The following AKAP3 variants were observed in gnomAD, a reference collection of about 807,000 sequenced individuals.
AKAP3 encodes A-kinase anchoring protein 3, also known as A-kinase anchor protein 3.
AKAP3 carries 27 observed loss-of-function variants against 57.2 expected under a neutral mutation model. The ratio of observed to expected loss-of-function variants is 0.47; its 90% CI spans 0.35 to 0.65. The LOEUF is 0.65. Ranked by LOEUF, AKAP3 falls within the 30% of genes least tolerant of loss-of-function variation. The pLI, the probability that AKAP3 is intolerant of heterozygous loss-of-function variation, is 0.01. For synonymous variants in AKAP3, 334 were observed against 392.3 expected (o/e 0.85, Z 1.76); for missense variants, 959 against 1,040.0 (o/e 0.92, Z 1.07).
intron 5 of AKAP3, among the ~76,000 whole-genome samples, chr12:4,620,354 G>A (rs1475101850): frequency 6.6e-6 from 1 of 151,322 alleles, no homozygotes; most frequent in Non-Finnish European, 1.5e-5. Context: ...CAGTGCACCT[G>A]TAATCCCAGC....
intron 5 of AKAP3, among the ~76,000 whole-genome samples, chr12:4,626,042 G>A (rs1426025239): frequency 6.6e-6 from 1 of 152,002 alleles, no homozygotes; most frequent in Non-Finnish European, 1.5e-5. Flanking sequence ...AATCCCCAAC[G>A]CCACCTAGAC....
rs540086464 is a variant in AKAP3 at position 4,640,967 on chromosome 12, T to C, written c.-1+932A>G. 3.4e-4 allele frequency among the ~76,000 whole-genome samples: 51 copies of C among 152,028 alleles called. No homozygotes were observed. In the Middle Eastern group the frequency reaches 0.02, roughly 61 times the overall value. ...GAGAATTCCTAGACCAGGGCTTATC[T>C]GGACAGACTCTGTGAAAAAGACTGG... On this transcript the variant is annotated intron_variant, in intron 3 of 5. Coordinates refer to ENST00000228850, the MANE Select transcript of AKAP3 (RefSeq NM_001278309.2).
At chr12:4,637,782 G>A (rs1565557963) in intron 4 of AKAP3, among the ~76,000 whole-genome samples, 2 of 151,996 alleles carry the variant, frequency 1.3e-5, no homozygotes, top group South Asian at 4.2e-4. Context: ...CTCTCTGTTT[G>A]AAAATTAAAA....
rs1476926526 is a variant in AKAP3, at chr12:4,625,898, C to T, written c.2406+598G>A. Among the ~76,000 whole-genome samples, 1 of 152,168 alleles carries T rather than the reference C, an allele frequency of 6.6e-6. No homozygotes were observed. Among genetic ancestry groups the T allele is most frequent in the East Asian group, 1.9e-4 (1 of 5,188 alleles). On this transcript the variant is annotated intron_variant, in intron 5 of 5. Coordinates refer to ENST00000228850, the MANE Select transcript of AKAP3 (RefSeq NM_001278309.2). The surrounding 1 kb of genome is among the most constrained non-coding windows in gnomAD (Gnocchi z 5.4). Reference sequence around the variant, plus strand: ...CCTTGGGTGGAGGACAAGAACTTATCAGGCACGTTTACCTTTATCAGTAAT... The same window carrying T: ...CCTTGGGTGGAGGACAAGAACTTATTAGGCACGTTTACCTTTATCAGTAAT...
rs779001503 is a variant in AKAP3 at position 4,615,692 on chromosome 12, A to AGGGCC, written c.*42_*46dup. The AGGGCC allele has an allele frequency of 6.3e-7, 1 of 1,587,796 alleles. No individual in the cohort carries two copies. Among genetic ancestry groups the AGGGCC allele is most frequent in the South Asian group, 1.1e-5 (1 of 87,530 alleles). Reference sequence around the variant, plus strand: ...GAAGTGAGAAAGAAGGGCGGGGATAAGGGCCGGCCCCACTGCCAGAAGAGG... The same window carrying AGGGCC: ...GAAGTGAGAAAGAAGGGCGGGGATAAGGGCCGGGCCGGCCCCACTGCCAGAAGAGG... On this transcript the variant is annotated 3_prime_UTR_variant, in exon 6 of 6. Transcript: ENST00000228850.
At chr12:4,616,044 G>A (rs937207493) in intron 5 of AKAP3, 150 bp from the exon 6 acceptor site, 22 of 878,506 alleles carry the variant, frequency 2.5e-5, no homozygotes, top group Non-Finnish European at 3.8e-5. Context: ...AACAGAAGGA[G>A]GTTGGTGACT....
intron 4 of AKAP3, chr12:4,635,785 T>C: frequency 2.8e-6 from 2 of 706,910 alleles, no homozygotes; most frequent in South Asian, 1.6e-5. Context: ...CAAACTATAC[T>C]GTAGTGTCAT....
chr12:4,639,814 C>CTTT (rs34820221), intron 3 of AKAP3, among the ~76,000 whole-genome samples: 10 of 111,128 alleles, frequency 9.0e-5, no homozygotes, highest in East Asian at 2.4e-4. Flanking sequence ...ATTTTCTTGT[C>CTTT]TTTTTTTTTT....
intron 4 of AKAP3, among the ~76,000 whole-genome samples, chr12:4,632,463 T>C (rs116057569): frequency 5.0e-3 from 762 of 152,216 alleles, no homozygotes; most frequent in African/African-American, 0.017. Context: ...GGTTAGCAGT[T>C]ATGATTAATA....
At chr12:4,629,246 C>T (rs1417503087) in intron 4 of AKAP3, among the ~76,000 whole-genome samples, 1 of 152,162 alleles carries the variant, frequency 6.6e-6, no homozygotes, top group East Asian at 1.9e-4. Context: ...TAATGACTTC[C>T]AGCTCCATCC....
At position 4,628,091 on chromosome 12, in the gene AKAP3, G is replaced by C. The variant is rs1302153257; in HGVS notation, c.811C>G (p.Gln271Glu). 1 of 1,614,062 alleles carries C rather than the reference G, an allele frequency of 6.2e-7. No individual in the cohort carries two copies. Among genetic ancestry groups the C allele is most frequent in the East Asian group, 2.2e-5 (1 of 44,870 alleles). The change falls in exon 5 of 6, where the codon CAG (glutamine) becomes GAG (glutamate). Residue 271 changes from glutamine to glutamate, a missense_variant. Coordinates refer to ENST00000228850, the MANE Select transcript of AKAP3 (RefSeq NM_001278309.2). ...FPRERKRFRGQERPDDFTASV... is the reference protein window; with the variant it reads ...FPRERKRFRGEERPDDFTASV... ...GCCGTAAAGTCATCAGGCCTTTCCT[G>C]CCCTCGAAACCTCTTTCTCTCCCGA...
chr12:4,628,554 G>C lies in AKAP3; in HGVS notation c.348C>G (p.Gly116=). 6.2e-7 allele frequency: 1 copy of C among 1,614,146 alleles called. No homozygotes were observed. Among genetic ancestry groups the C allele is most frequent in the Non-Finnish European group, 8.5e-7 (1 of 1,179,996 alleles). ...IPCQGPRAQL[G]NGSSVDEVSF... The stretch of plus-strand genomic sequence containing the variant: ...AAACTTCATCTACTGAACTCCCGTT[G>C]CCAAGTTGGGCCCTGGGGCCCTGGC... Residue 116 remains glycine (G), a synonymous_variant, in exon 5 of 6, where the codon GGC becomes GGG. Transcript: ENST00000228850.
At chr12:4,623,839 C>A (rs1945373648) in intron 5 of AKAP3, among the ~76,000 whole-genome samples, 1 of 152,152 alleles carries the variant, frequency 6.6e-6, no homozygotes, top group South Asian at 2.1e-4. Flanking sequence ...AAGATACTCA[C>A]CCTTATTCCT....
rs188666452 is a variant in AKAP3, at chr12:4,615,717, G to A, written c.*22C>T. ...AGGGCCGGCCCCACTGCCAGAAGAGGGGAAAGCAGTGGGGTTGCCGATTAC... is the reference window on the plus strand; with the variant it reads ...AGGGCCGGCCCCACTGCCAGAAGAGAGGAAAGCAGTGGGGTTGCCGATTAC... On this transcript the variant is annotated 3_prime_UTR_variant, in exon 6 of 6. Coordinates refer to ENST00000228850, the MANE Select transcript of AKAP3 (RefSeq NM_001278309.2). The A allele has an allele frequency of 1.6e-5, 25 of 1,608,672 alleles. No homozygotes were observed. In the East Asian group the frequency reaches 5.6e-4, roughly 36 times the overall value.
At chr12:4,640,432 T>G (rs577653692) in intron 3 of AKAP3, among the ~76,000 whole-genome samples, 5 of 152,348 alleles carry the variant, frequency 3.3e-5, no homozygotes, top group African/African-American at 1.2e-4. Flanking sequence ...TATTAAGGCA[T>G]GAACATCTGG....
chr12:4,638,660 A>C (rs2137445889), intron 3 of AKAP3, among the ~76,000 whole-genome samples: 1 of 152,318 alleles, frequency 6.6e-6, no homozygotes, highest in East Asian at 1.9e-4. Context: ...TTAATTTCTA[A>C]AGCTGTTACT....
intron 5 of AKAP3, among the ~76,000 whole-genome samples, chr12:4,621,223 T>TA (rs57474177): frequency 0.98 from 148,997 of 151,970 alleles, 73,113 homozygotes; most frequent in Middle Eastern, 1. Context: ...GCCAAAAAGT[T>TA]AAAAAAAATC....
intron 4 of AKAP3, among the ~76,000 whole-genome samples, chr12:4,632,205 T>C (rs1428925725): frequency 1.5e-5 from 2 of 132,940 alleles, no homozygotes; most frequent in African/African-American, 5.3e-5. Context: ...CTTTTGCTTA[T>C]TATTTTTATC....
intron 5 of AKAP3, among the ~76,000 whole-genome samples, chr12:4,624,310 A>G (rs1945382001): frequency 1.4e-5 from 2 of 139,838 alleles, no homozygotes; most frequent in African/African-American, 5.4e-5. Context: ...ATAATTTGTG[A>G]CTTTACGTGT....
Sources: gnomAD v4.1 joint callset for allele counts (sites outside exome capture counted in the v4.1 genomes callset) on GRCh38, gnomAD v4.1.1 for gene constraint, Gnocchi (gnomAD v3.1) non-coding constraint, MANE v1.5 for transcripts, NCBI Gene and HGNC (gene_info 2026-07-23, HGNC 2026-07-21) for gene names.